PCDHA3: variants seen among roughly 807,000 people sequenced by gnomAD.
PCDHA3 encodes protocadherin alpha-3.
In PCDHA3, 41 loss-of-function variants were observed where a neutral mutation model predicts 62.2. The ratio of observed to expected loss-of-function variants is 0.66; its 90% confidence interval spans 0.51 to 0.86. PCDHA3 has a LOEUF of 0.86. Ranked by LOEUF, PCDHA3 falls within the 40% of genes least tolerant of loss-of-function variation. PCDHA3 has a pLI of 0.00. For missense variants in PCDHA3, 1,304 were observed against 1,241.2 expected (o/e 1.05, Z -0.76); for synonymous variants, 640 against 555.4 (o/e 1.15, Z -2.14).
chr5:140,931,161 C>G (rs1214685588), intron 1 of PCDHA3, among the ~76,000 whole-genome samples: 5 of 152,132 alleles, frequency 3.3e-5, no homozygotes, highest in African/African-American at 1.2e-4. Flanking sequence ...AATAGAATCT[C>G]AGTTAATTTT....
At chr5:140,869,932 G>A (rs1291685236) in intron 1 of PCDHA3, 45 of 1,611,630 alleles carry the variant, frequency 2.8e-5, no homozygotes, top group Non-Finnish European at 3.5e-5. Context: ...CAATGGAGAG[G>A]TAACATACTC....
At chr5:140,915,772 G>A (rs1282338375) in intron 1 of PCDHA3, among the ~76,000 whole-genome samples, 1 of 151,950 alleles carries the variant, frequency 6.6e-6, no homozygotes, top group East Asian at 1.9e-4. Flanking sequence ...CTTGTCCAAG[G>A]CCTGCTGTAA....
chr5:140,809,641 T>C, intron 1 of PCDHA3: 1 of 1,502,504 alleles, frequency 6.7e-7, no homozygotes, highest in Non-Finnish European at 8.9e-7. Flanking sequence ...CGTAAATTTA[T>C]TTCTAAGAGT....
intron 1 of PCDHA3, among the ~76,000 whole-genome samples, chr5:140,925,768 G>A (rs1018599372): frequency 6.6e-6 from 1 of 151,870 alleles, no homozygotes; most frequent in Admixed American, 6.6e-5. Flanking sequence ...TAGTTTCCTG[G>A]TCAAACTCTA....
chr5:140,879,467 C>T (rs1331120758), intron 1 of PCDHA3, among the ~76,000 whole-genome samples: 1 of 152,040 alleles, frequency 6.6e-6, no homozygotes, highest in Admixed American at 6.6e-5. Context: ...TAAGAGAATA[C>T]CGTTGTGATT....
intron 1 of PCDHA3, among the ~76,000 whole-genome samples, chr5:140,878,501 C>T (rs186968165): frequency 5.9e-5 from 9 of 152,226 alleles, no homozygotes; most frequent in Admixed American, 2.0e-4. Flanking sequence ...ACCATCTGTA[C>T]GATACAGTAC....
intron 1 of PCDHA3, chr5:140,830,082 C>G: frequency 6.2e-7 from 1 of 1,613,566 alleles, no homozygotes; most frequent in Non-Finnish European, 8.5e-7. Context: ...GCGACGGCCA[C>G]GGTTCTGGTG....
At chr5:140,933,184 G>T (rs1459868769) in intron 1 of PCDHA3, among the ~76,000 whole-genome samples, 4 of 149,618 alleles carry the variant, frequency 2.7e-5, no homozygotes, top group African/African-American at 4.9e-5. Flanking sequence ...ATAAGATAAT[G>T]GTTCAGGATA....
At chr5:140,815,002 C>T (rs1554126657) in intron 1 of PCDHA3, 1 of 152,080 alleles carries the variant, frequency 6.6e-6, no homozygotes, top group African/African-American at 2.4e-5. Context: ...GTAGCTGTTT[C>T]CACATTTGCA....
At chr5:140,968,474 G>A (rs1394773296) in intron 1 of PCDHA3, 2 of 1,614,110 alleles carry the variant, frequency 1.2e-6, no homozygotes, top group Non-Finnish European at 1.7e-6. Flanking sequence ...CGTATATGTG[G>A]TGGACATGAA....
chr5:140,921,101 C>T (rs1331761775), intron 1 of PCDHA3, among the ~76,000 whole-genome samples: 3 of 152,002 alleles, frequency 2.0e-5, no homozygotes, highest in African/African-American at 4.8e-5. Context: ...CTGCCTCAGT[C>T]TCCTAAGTAG....
At chr5:140,861,135 G>A (rs1182257816) in intron 1 of PCDHA3, 1 of 153,800 alleles carries the variant, frequency 6.5e-6, no homozygotes, top group East Asian at 1.9e-4. Context: ...AGACCACTTG[G>A]AACCTCAGGA....
chr5:141,005,451 C>G (rs1263058026), intron 3 of PCDHA3, among the ~76,000 whole-genome samples: 1 of 151,986 alleles, frequency 6.6e-6, no homozygotes, highest in Non-Finnish European at 1.5e-5. Flanking sequence ...CGCCTGTAAT[C>G]CCAGCACTTT....
chr5:140,903,346 A>G (rs76789733), intron 1 of PCDHA3, among the ~76,000 whole-genome samples: 12,326 of 152,302 alleles, frequency 0.081, 540 homozygotes, highest in Middle Eastern at 0.13. Context: ...TGCATTTTAA[A>G]AAACAAGTTT....
intron 3 of PCDHA3, among the ~76,000 whole-genome samples, chr5:141,005,884 T>A (rs1554260408): frequency 6.6e-6 from 1 of 151,744 alleles, no homozygotes; most frequent in Non-Finnish European, 1.5e-5. Context: ...GAGTTTGAGG[T>A]TACATCAAGC....
At chr5:140,940,557 T>C (rs1554213484) in intron 1 of PCDHA3, among the ~76,000 whole-genome samples, 1 of 152,204 alleles carries the variant, frequency 6.6e-6, no homozygotes. Context: ...CAAGTGATTC[T>C]CCTACCTTGG....
intron 1 of PCDHA3, among the ~76,000 whole-genome samples, chr5:140,832,070 T>G (rs1282000636): frequency 6.6e-6 from 1 of 152,252 alleles, no homozygotes; most frequent in Non-Finnish European, 1.5e-5. Context: ...TAATCTGAGA[T>G]GTCTCTAACA....
At chr5:140,830,248 A>C (rs1554132663) in intron 1 of PCDHA3, 3 of 1,613,824 alleles carry the variant, frequency 1.9e-6, no homozygotes, top group Non-Finnish European at 2.5e-6. Context: ...TGCTGTACAC[A>C]GCGCTGCGGT....
At chr5:140,905,021 G>A (rs1443702216) in intron 1 of PCDHA3, among the ~76,000 whole-genome samples, 1 of 152,078 alleles carries the variant, frequency 6.6e-6, no homozygotes, top group African/African-American at 2.4e-5. Flanking sequence ...TCTTTTCTAT[G>A]CAGAAGCTTT....
Sources: gnomAD v4.1 joint callset for allele counts (sites outside exome capture counted in the v4.1 genomes callset) on GRCh38, gnomAD v4.1.1 for gene constraint, MANE v1.5 for transcripts, NCBI Gene and HGNC (gene_info 2026-07-23, HGNC 2026-07-21) for gene names.